Variants in WDR17 observed in about 807,000 individuals in gnomAD.
WDR17 encodes the protein WD repeat domain 17.
WDR17 carries 143 observed loss-of-function variants against 161.7 expected under a neutral mutation model. That is an observed-to-expected ratio of 0.88 (90% CI 0.77 to 1.02). The LOEUF (loss-of-function observed/expected upper bound fraction) is 1.02, where lower values mean the gene tolerates loss of function less well. Ranked by LOEUF, WDR17 falls within the 50% of genes least tolerant of loss-of-function variation. The pLI is 0.00. For synonymous variants in WDR17, 517 were observed against 515.6 expected, an observed-to-expected ratio of 1.00 and a Z score of -0.04; for missense variants, 1,469 against 1,520.9, an observed-to-expected ratio of 0.97 and a Z score of 0.57.
At chr4:176,162,259 C>A in intron 21 of WDR17, 85 bp downstream of exon 21, 1 of 1,211,120 alleles carries the variant, frequency 8.3e-7, no homozygotes, top group Non-Finnish European at 1.2e-6. Flanking sequence ...TGGTGACTTT[C>A]TATGTGAGAT....
intron 1 of WDR17, among the ~76,000 whole-genome samples, chr4:176,097,265 A>T (rs767472662): frequency 6.6e-6 from 1 of 151,968 alleles, no homozygotes; most frequent in Admixed American, 6.6e-5. Flanking sequence ...GACAATTTGT[A>T]TATTTTTATT....
rs563597181 is a variant in WDR17 at position 176,168,815 on chromosome 4, G to A, written c.3102+32G>A. ...TGATGATGTTAAATATTCTGGTTTGGAATGCAGTGCTATGATTTAATTAAT... is the reference window on the plus strand; with the variant it reads ...TGATGATGTTAAATATTCTGGTTTGAAATGCAGTGCTATGATTTAATTAAT... On this transcript the variant is annotated intron_variant, in intron 23 of 28. Transcript: ENST00000508596. 1.8e-5 allele frequency: 28 copies of A among 1,597,202 alleles called. No individual in the cohort carries two copies. In the South Asian group the frequency reaches 3.1e-4, roughly 18 times the overall value.
At chr4:176,119,548 A>G (rs996557460) in intron 3 of WDR17, among the ~76,000 whole-genome samples, 1 of 152,174 alleles carries the variant, frequency 6.6e-6, no homozygotes, top group Non-Finnish European at 1.5e-5. Flanking sequence ...ACAAATACAC[A>G]GTAAGAATGT....
intron 1 of WDR17, chr4:176,096,686 C>T (rs978761966): frequency 8.6e-6 from 8 of 935,098 alleles, no homozygotes; most frequent in Non-Finnish European, 1.1e-5. Flanking sequence ...TGGACATTTT[C>T]GCATTGCAAA....
At chr4:176,103,743 G>A (rs1473329943) in intron 1 of WDR17, among the ~76,000 whole-genome samples, 1 of 151,926 alleles carries the variant, frequency 6.6e-6, no homozygotes, top group African/African-American at 2.4e-5. Flanking sequence ...AAATTGAAGA[G>A]AAGTAAGCAA....
intron 11 of WDR17, among the ~76,000 whole-genome samples, chr4:176,144,023 C>CCCT (rs1745747915): frequency 6.6e-6 from 1 of 152,156 alleles, no homozygotes; most frequent in Admixed American, 6.5e-5. Flanking sequence ...GGCTTGCTTT[C>CCCT]CCTTACTCCT....
chr4:176,068,138 T>C (rs936385493), intron 1 of WDR17: 2 of 152,224 alleles, frequency 1.3e-5, no homozygotes, highest in Non-Finnish European at 2.9e-5. Flanking sequence ...ATGATAATTA[T>C]GTATATGGAA....
intron 1 of WDR17, among the ~76,000 whole-genome samples, chr4:176,082,543 G>A (rs138532242): frequency 8.0e-4 from 122 of 151,974 alleles, no homozygotes; most frequent in African/African-American, 2.7e-3. Flanking sequence ...TCCAGTTCCC[G>A]TTCTACTATT....
At chr4:176,155,716 A>T (rs1292844894) in intron 17 of WDR17, among the ~76,000 whole-genome samples, 2 of 130,294 alleles carry the variant, frequency 1.5e-5, no homozygotes, top group Non-Finnish European at 3.2e-5. Flanking sequence ...GACTAATTAA[A>T]ATATATATAT....
chr4:176,073,185 T>C (rs1019685204), intron 1 of WDR17, among the ~76,000 whole-genome samples: 4 of 152,148 alleles, frequency 2.6e-5, no homozygotes, highest in Non-Finnish European at 1.5e-5. Flanking sequence ...ACATGTGCCA[T>C]GTTGGTGTGC....
intron 16 of WDR17, among the ~76,000 whole-genome samples, chr4:176,150,891 A>G (rs73003461): frequency 0.032 from 4,912 of 152,216 alleles, 147 homozygotes; most frequent in African/African-American, 0.076. Flanking sequence ...GGACTATTCT[A>G]ATTTTAGTCT....
intron 18 of WDR17, among the ~76,000 whole-genome samples, chr4:176,158,936 C>T (rs1748573524): frequency 6.6e-6 from 1 of 152,120 alleles, no homozygotes; most frequent in South Asian, 2.1e-4. Context: ...TTATTTCTAA[C>T]CAGCTTCTTT....
intron 2 of WDR17, among the ~76,000 whole-genome samples, chr4:176,115,011 T>C (rs945710765): frequency 4.0e-5 from 6 of 151,840 alleles, no homozygotes; most frequent in African/African-American, 1.5e-4. Flanking sequence ...GTGTAGAGAT[T>C]TGAAGGCTGT....
chr4:176,128,980 C>T (rs1169498695), intron 6 of WDR17, 120 bp downstream of exon 6: 3 of 879,300 alleles, frequency 3.4e-6, no homozygotes, highest in Non-Finnish European at 4.8e-6. Context: ...TTAAAAAAGG[C>T]TTTGACAATA....
chr4:176,076,830 G>T (rs1259131924), intron 1 of WDR17, among the ~76,000 whole-genome samples: 1 of 151,934 alleles, frequency 6.6e-6, no homozygotes, highest in Non-Finnish European at 1.5e-5. Flanking sequence ...GAATGTGTAG[G>T]TTTCTGCAGG....
chr4:176,137,752 G>C (rs1744649336), intron 9 of WDR17, 141 bp downstream of exon 9: 1 of 453,158 alleles, frequency 2.2e-6, no homozygotes, highest in African/African-American at 2.1e-5. Flanking sequence ...GAAAATCCTA[G>C]AGAATACTCA....
At chr4:176,160,706 T>C (rs1748904178) in intron 19 of WDR17, among the ~76,000 whole-genome samples, 1 of 152,246 alleles carries the variant, frequency 6.6e-6, no homozygotes, top group Admixed American at 6.5e-5. Flanking sequence ...ACCATGCATT[T>C]GAACAACTTA....
chr4:176,117,939 T>C (rs1579094608), intron 3 of WDR17, among the ~76,000 whole-genome samples: 1 of 152,176 alleles, frequency 6.6e-6, no homozygotes, highest in Non-Finnish European at 1.5e-5. Flanking sequence ...AGTAGAAATT[T>C]GCATTAAGTG....
At position 176,182,307 on chromosome 4, in the gene WDR17, AAT is replaced by A. The variant is rs991163248; in HGVS notation, c.*2733_*2734del. The A allele has an allele frequency of 5.3e-5, 8 of 151,886 alleles. No individual in the cohort carries two copies. Among genetic ancestry groups the A allele is most frequent in the African/African-American group, 1.9e-4 (8 of 41,394 alleles). The allele number at this position is 151,886 out of a possible 1,614,324, so 9.4% of individuals were successfully genotyped here. A position where few individuals can be genotyped will look rare whatever the true frequency, so the allele number is the denominator to read the frequency against. On this transcript the variant is annotated 3_prime_UTR_variant, in exon 29 of 29. Coordinates refer to ENST00000508596, the MANE Select transcript of WDR17 (RefSeq NM_181265.4). This position sits in a 1 kb window ranked among gnomAD's most constrained non-coding sequence, Gnocchi z 4.2. The stretch of plus-strand genomic sequence containing the variant: ...CATCAAAATAGTTACATCTTGTGAA[AAT>A]ATATGATTTTTATGTCAATCAAGAC...
Sources: allele counts gnomAD v4.1 joint callset (sites outside exome capture counted in the v4.1 genomes callset), GRCh38; gene constraint gnomAD v4.1.1; non-coding constraint Gnocchi (gnomAD v3.1); transcripts MANE v1.5; gene names NCBI Gene and HGNC (gene_info 2026-07-23, HGNC 2026-07-21).